The following AKAP6 variants were observed in gnomAD, a reference collection of about 807,000 sequenced individuals.
The protein encoded by AKAP6 is A-kinase anchoring protein 6, also known as A-kinase anchor protein 6.
AKAP6 carries 58 observed loss-of-function variants against 188.5 expected under a neutral mutation model. That is an observed-to-expected ratio of 0.31 (90% CI 0.25 to 0.38). AKAP6 has a LOEUF of 0.38. Among genes scored for constraint, AKAP6 ranks in the 10% least tolerant of loss-of-function variants. The pLI is 1.00. For synonymous variants in AKAP6, 989 were observed against 998.6 expected (o/e 0.99, Z 0.18); for missense variants, 2,710 against 2,740.0 (o/e 0.99, Z 0.24).
At chr14:32,333,754 T>A (rs1886603891) in intron 1 of AKAP6, among the ~76,000 whole-genome samples, 1 of 152,178 alleles carries the variant, frequency 6.6e-6, no homozygotes, top group African/African-American at 2.4e-5. Flanking sequence ...AAAATTATAA[T>A]CAGTCAAATA....
intron 2 of AKAP6, among the ~76,000 whole-genome samples, chr14:32,492,957 T>C (rs1880114196): frequency 6.6e-6 from 1 of 152,216 alleles, no homozygotes; most frequent in South Asian, 2.1e-4. Flanking sequence ...ATCTACATTG[T>C]GAATTTGCTT....
intron 9 of AKAP6, among the ~76,000 whole-genome samples, chr14:32,727,513 G>A (rs2139812229): frequency 6.6e-6 from 1 of 152,226 alleles, no homozygotes; most frequent in South Asian, 2.1e-4. Flanking sequence ...AATATTTGTA[G>A]TTTGATTTAT....
chr14:32,587,769 T>C (rs1043689398), intron 5 of AKAP6, among the ~76,000 whole-genome samples: 3 of 152,198 alleles, frequency 2.0e-5, no homozygotes, highest in African/African-American at 4.8e-5. Context: ...GCTCTACAGC[T>C]GGGCAAGATT....
intron 7 of AKAP6, among the ~76,000 whole-genome samples, chr14:32,657,902 G>GGAAA (rs1888520746): frequency 6.6e-6 from 1 of 151,936 alleles, no homozygotes; most frequent in Non-Finnish European, 1.5e-5. Flanking sequence ...ATCATAGTAA[G>GGAAA]GAAAGAACAT....
intron 9 of AKAP6, among the ~76,000 whole-genome samples, chr14:32,703,255 A>G (rs1890688451): frequency 6.6e-6 from 1 of 152,132 alleles, no homozygotes; most frequent in Non-Finnish European, 1.5e-5. Context: ...CATAGCAGGC[A>G]TTAGCTATGT....
chr14:32,497,702 A>T (rs115913923), intron 2 of AKAP6, among the ~76,000 whole-genome samples: 8,759 of 151,658 alleles, frequency 0.058, 581 homozygotes, highest in African/African-American at 0.17. Context: ...ATATATATAT[A>T]TTTTTTTCCA....
intron 7 of AKAP6, among the ~76,000 whole-genome samples, chr14:32,657,645 T>C (rs1195441180): frequency 6.6e-6 from 1 of 152,174 alleles, no homozygotes; most frequent in African/African-American, 2.4e-5. Context: ...ATGATTGTTT[T>C]TCTTAATGCT....
rs1566736112 is a variant in AKAP6 at position 32,822,106 on chromosome 14, A to G, written c.4293A>G (p.Ser1431=). ...CAAATAGCTCTCAGTCGTCCATTTC[A>G]CCAGTGGGTTGTGTAAATGGAAAAG... ...KLPNSSQSSI[S]PVGCVNGKVG... Residue 1431 remains serine (S), a synonymous_variant, in exon 13 of 14, where the codon TCA becomes TCG. Transcript: ENST00000280979. The G allele has an allele frequency of 6.2e-7, 1 of 1,613,938 alleles. No individual in the cohort carries two copies. The highest frequency in any genetic ancestry group is 1.7e-5 in the Admixed American group (1 of 59,922).
Position 32,546,881 on chromosome 14 carries a change from G to A in AKAP6, c.2228G>A (p.Arg743Lys). ...MKKYADEKSERASSSEKNESH... is the reference protein window; with the variant it reads ...MKKYADEKSEKASSSEKNESH... The stretch of plus-strand genomic sequence containing the variant: ...AAGTATGCTGATGAGAAGTCAGAAA[G>A]AGCTTCATCCTCTGAGAAAAATGAG... Residue 743 changes from arginine to lysine, a missense_variant, in exon 4 of 14, where the codon AGA becomes AAA. Arg to Lys is a conservative substitution (Grantham distance 26). Coordinates refer to ENST00000280979, the MANE Select transcript of AKAP6 (RefSeq NM_004274.5). The A allele has an allele frequency of 6.2e-7, 1 of 1,614,052 alleles. No homozygotes were observed. The highest frequency in any genetic ancestry group is 8.5e-7 in the Non-Finnish European group (1 of 1,180,010).
intron 8 of AKAP6, among the ~76,000 whole-genome samples, chr14:32,687,641 A>C (rs1034292420): frequency 6.6e-6 from 1 of 152,130 alleles, no homozygotes; most frequent in East Asian, 1.9e-4. Context: ...TTAAATCACT[A>C]GACAACCCAA....
chr14:32,523,355 A>G (rs1881953571), intron 2 of AKAP6, among the ~76,000 whole-genome samples: 1 of 152,188 alleles, frequency 6.6e-6, no homozygotes, highest in Admixed American at 6.5e-5. Flanking sequence ...TCATCATGCT[A>G]CAACTCCCAA....
intron 12 of AKAP6, among the ~76,000 whole-genome samples, chr14:32,816,989 T>C (rs2034393649): frequency 6.6e-6 from 1 of 152,110 alleles, no homozygotes; most frequent in Non-Finnish European, 1.5e-5. Context: ...CATCCTAGTC[T>C]TTTTGAGATT....
chr14:32,823,942 A>G lies in AKAP6; in HGVS notation c.6129A>G (p.Pro2043=). ...ACATTTCCTGTTGCAACTGTGAGCCAGATGTTTTCCATCAAAAAGATGCCG... is the reference window on the plus strand; with the variant it reads ...ACATTTCCTGTTGCAACTGTGAGCCGGATGTTTTCCATCAAAAAGATGCCG... ...ISNISCCNCE[P]DVFHQKDAED... Residue 2043 remains proline, a synonymous_variant, in exon 13 of 14, where the codon CCA becomes CCG. Coordinates refer to ENST00000280979, the MANE Select transcript of AKAP6 (RefSeq NM_004274.5). 6.2e-7 allele frequency: 1 copy of G among 1,614,016 alleles called. No individual in the cohort carries two copies. Among genetic ancestry groups the G allele is most frequent in the South Asian group, 1.1e-5 (1 of 91,086 alleles).
At chr14:32,502,057 C>T (rs1307710963) in intron 2 of AKAP6, among the ~76,000 whole-genome samples, 1 of 151,986 alleles carries the variant, frequency 6.6e-6, no homozygotes, top group Non-Finnish European at 1.5e-5. Flanking sequence ...GCTCCTCATT[C>T]AAAGCAAAAG....
At chr14:32,373,621 C>A (rs1271334290) in intron 1 of AKAP6, 1 of 152,180 alleles carries the variant, frequency 6.6e-6, no homozygotes, top group Admixed American at 6.6e-5. Context: ...AGAAGGAGGT[C>A]TGCTTTGGGA....
At chr14:32,780,155 A>ACATATATATATATATATATAT (rs140827829) in intron 12 of AKAP6, among the ~76,000 whole-genome samples, 3 of 91,438 alleles carry the variant, frequency 3.3e-5, no homozygotes, top group African/African-American at 1.2e-4. Context: ...TGAAAAAAAA[A>ACATATATATATATATATATAT]ACATATATAT....
At chr14:32,490,610 C>T (rs1452152803) in intron 2 of AKAP6, among the ~76,000 whole-genome samples, 4 of 152,100 alleles carry the variant, frequency 2.6e-5, no homozygotes, top group Non-Finnish European at 4.4e-5. Context: ...GGCCTCTCCT[C>T]CTTAGTGGGT....
At position 32,535,768 on chromosome 14, in the gene AKAP6, C is replaced by T. The variant is rs375938590; in HGVS notation, c.539C>T (p.Thr180Met). The T allele has an allele frequency of 1.4e-5, 22 of 1,613,540 alleles. No individual in the cohort carries two copies. Among genetic ancestry groups the T allele is most frequent in the East Asian group, 1.1e-4 (5 of 44,892 alleles). Reference protein sequence around the residue: ...QDANGNYTRQTDILQAFSEET... With the variant: ...QDANGNYTRQMDILQAFSEET... ...GCCAATGGCAACTACACTAGGCAGA[C>T]GGACATTCTGCAAGCTTTCTCTGAA... The change falls in exon 3 of 14, where the codon ACG (threonine) becomes ATG (methionine). Residue 180 changes from threonine to methionine, a missense_variant. By Grantham distance (81) the Thr-to-Met change is moderately conservative. This residue lies in a region of AKAP6 where 237 missense variants were observed against 313.9 expected (regional missense o/e 0.76). Coordinates refer to ENST00000280979, the MANE Select transcript of AKAP6 (RefSeq NM_004274.5).
chr14:32,578,761 G>A (rs1884839522), intron 5 of AKAP6, among the ~76,000 whole-genome samples: 1 of 151,546 alleles, frequency 6.6e-6, no homozygotes, highest in Non-Finnish European at 1.5e-5. Flanking sequence ...GGCATGAAGA[G>A]CACTTTAACT....
Sources: gnomAD v4.1 joint callset for allele counts (sites outside exome capture counted in the v4.1 genomes callset) on GRCh38, gnomAD v4.1.1 for gene constraint, gnomAD v4.1.1 regional missense constraint, MANE v1.5 for transcripts, NCBI Gene and HGNC (gene_info 2026-07-23, HGNC 2026-07-21) for gene names.